Variants in COP1 observed in about 807,000 individuals in gnomAD.
COP1 encodes the protein E3 ubiquitin-protein ligase COP1.
Under a neutral mutation model 101.3 loss-of-function variants are expected in COP1, and 24 were observed. The observed-to-expected ratio is 0.24, with a 90% CI of 0.17 to 0.33. The LOEUF (loss-of-function observed/expected upper bound fraction) is 0.33. Ranked by LOEUF, COP1 falls within the 10% of genes least tolerant of loss-of-function variation. COP1 has a pLI of 1.00. For synonymous variants in COP1, 347 were observed against 341.9 expected (o/e 1.01, Z -0.17); for missense variants, 663 against 906.2 (o/e 0.73, Z 3.45).
intron 15 of COP1, among the ~76,000 whole-genome samples, chr1:176,001,255 A>C (rs765815659): frequency 9.2e-5 from 14 of 152,146 alleles, no homozygotes; most frequent in Non-Finnish European, 1.9e-4. Context: ...ATCATCAGAA[A>C]CATCTATTTC....
chr1:176,176,112 A>G, intron 2 of COP1, 105 bp from the exon 3 acceptor site: 2 of 606,154 alleles, frequency 3.3e-6, no homozygotes, highest in South Asian at 4.2e-5. Context: ...TTTTCAACAT[A>G]ACTAATCTAA....
At chr1:175,990,106 C>G (rs190202284) in intron 15 of COP1, among the ~76,000 whole-genome samples, 19 of 152,122 alleles carry the variant, frequency 1.2e-4, no homozygotes, top group Middle Eastern at 3.4e-3. Context: ...TCTCTATCAA[C>G]ACTGCTTTGG....
At chr1:176,132,391 G>A (rs1467895837) in intron 8 of COP1, among the ~76,000 whole-genome samples, 2 of 151,690 alleles carry the variant, frequency 1.3e-5, no homozygotes, top group Non-Finnish European at 2.9e-5. Flanking sequence ...TCCTAAGGTA[G>A]TGCAGTCATG....
At chr1:175,960,561 A>G (rs1450351341) in intron 18 of COP1, among the ~76,000 whole-genome samples, 2 of 152,194 alleles carry the variant, frequency 1.3e-5, no homozygotes, top group Non-Finnish European at 1.5e-5. Flanking sequence ...AGAGTTTAAG[A>G]AAGAGAAGCA....
intron 6 of COP1, among the ~76,000 whole-genome samples, chr1:176,137,437 T>C (rs533308983): frequency 2.6e-5 from 4 of 152,330 alleles, no homozygotes; most frequent in Admixed American, 6.5e-5. Flanking sequence ...AGAAAACTGC[T>C]TTCCAGAAAC....
At chr1:175,976,267 A>ATTATTTTT (rs1225101059) in intron 18 of COP1, among the ~76,000 whole-genome samples, 3 of 41,764 alleles carry the variant, frequency 7.2e-5, no homozygotes, top group Non-Finnish European at 1.8e-4. Context: ...TCAATTAGTC[A>ATTATTTTT]TTCTTTTTTT....
intron 18 of COP1, among the ~76,000 whole-genome samples, chr1:175,975,303 T>C (rs1654258198): frequency 6.6e-6 from 1 of 152,194 alleles, no homozygotes; most frequent in African/African-American, 2.4e-5. Context: ...ATTAGTTACA[T>C]TAGATGTGTG....
At chr1:176,002,836 T>G (rs557719499) in intron 15 of COP1, among the ~76,000 whole-genome samples, 2 of 151,334 alleles carry the variant, frequency 1.3e-5, no homozygotes, top group South Asian at 2.1e-4. Flanking sequence ...TGTGTCTTTA[T>G]AGCAGCATGA....
Position 175,957,543 on chromosome 1 carries a change from C to T in COP1, c.2134-10304G>A, listed in dbSNP as rs557354196. Among the ~76,000 whole-genome samples the T allele has an allele frequency of 7.2e-5, 11 of 152,264 alleles. No homozygotes were observed. The South Asian group carries it at 2.1e-3, about 29-fold the overall frequency. On this transcript the variant is annotated intron_variant, in intron 18 of 19. Coordinates refer to ENST00000367669, the MANE Select transcript of COP1 (RefSeq NM_022457.7). ...TTTGTGCAATGATGAAATCAAATCACCTAATGGCATTTCTCAAAACGTATC... is the reference window on the plus strand; with the variant it reads ...TTTGTGCAATGATGAAATCAAATCATCTAATGGCATTTCTCAAAACGTATC...
chr1:176,063,747 T>G (rs1290457771), intron 11 of COP1, among the ~76,000 whole-genome samples: 1 of 152,222 alleles, frequency 6.6e-6, no homozygotes, highest in East Asian at 1.9e-4. Flanking sequence ...TGGGGGGCTC[T>G]GTTTGATAAA....
intron 15 of COP1, among the ~76,000 whole-genome samples, chr1:176,010,298 TCA>T (rs1239501190): frequency 6.6e-6 from 1 of 152,192 alleles, no homozygotes; most frequent in Non-Finnish European, 1.5e-5. Flanking sequence ...TATCATTATA[TCA>T]CACTCAAGAA....
chr1:176,182,887 A>T lies in COP1; in HGVS notation c.467+1746T>A, dbSNP rs559919718. 2.5e-4 allele frequency among the ~76,000 whole-genome samples: 38 copies of T among 152,314 alleles called. No individual in the cohort carries two copies. The South Asian group carries it at 7.9e-3, about 32-fold the overall frequency. On this transcript the variant is annotated intron_variant, in intron 2 of 19. Coordinates refer to ENST00000367669, the MANE Select transcript of COP1 (RefSeq NM_022457.7). Reference sequence around the variant, plus strand: ...AGTATTCAAGAAAGTAAAATGACTTAAAAAAATAGTAAAAGGATTCTGAAA... The same window carrying T: ...AGTATTCAAGAAAGTAAAATGACTTTAAAAAATAGTAAAAGGATTCTGAAA...
At chr1:175,980,563 GA>G (rs1203377698) in intron 18 of COP1, among the ~76,000 whole-genome samples, 2 of 152,082 alleles carry the variant, frequency 1.3e-5, no homozygotes, top group Non-Finnish European at 2.9e-5. Context: ...TCAGAGAGGG[GA>G]AATTTGGAAA....
chr1:176,083,581 G>C (rs566355650), intron 10 of COP1, among the ~76,000 whole-genome samples: 2 of 152,242 alleles, frequency 1.3e-5, no homozygotes, highest in South Asian at 4.2e-4. Flanking sequence ...TTGTAAAAGT[G>C]TATTCAATGT....
intron 15 of COP1, among the ~76,000 whole-genome samples, chr1:175,994,806 A>G (rs1659679385): frequency 6.6e-6 from 1 of 152,202 alleles, no homozygotes; most frequent in Non-Finnish European, 1.5e-5. Context: ...GGAGACTTTA[A>G]CACGCCACTG....
Position 175,944,962 on chromosome 1 carries a change from G to A in COP1, c.*191C>T, listed in dbSNP as rs566797131. On this transcript the variant is annotated 3_prime_UTR_variant, in exon 20 of 20. Transcript: ENST00000367669. ...GAGTTACATTGATGGTGGAGAGTTG[G>A]CTGGGTATTCCCAATGTCCCAAAGG... The A allele has an allele frequency of 1.7e-4, 94 of 569,186 alleles. No individual in the cohort carries two copies. Among genetic ancestry groups the A allele is most frequent in the Non-Finnish European group, 2.2e-4 (71 of 323,506 alleles). The allele number at this position is 569,186 out of a possible 1,614,324, so 35.3% of individuals were successfully genotyped here. A position where few individuals can be genotyped will look rare whatever the true frequency, so the allele number is the denominator to read the frequency against.
intron 11 of COP1, among the ~76,000 whole-genome samples, chr1:176,071,031 TATTG>T (rs1383165984): frequency 6.6e-6 from 1 of 152,166 alleles, no homozygotes; most frequent in East Asian, 1.9e-4. Flanking sequence ...TTATTCTAGA[TATTG>T]ACTGACAGAG....
intron 5 of COP1, among the ~76,000 whole-genome samples, chr1:176,157,627 A>C (rs1432005835): frequency 6.6e-6 from 1 of 152,194 alleles, no homozygotes; most frequent in Non-Finnish European, 1.5e-5. Flanking sequence ...CATACCTTAA[A>C]AACAAGCTTC....
intron 18 of COP1, among the ~76,000 whole-genome samples, chr1:175,982,005 TAAAAA>T (rs772707650): frequency 6.6e-6 from 1 of 151,824 alleles, no homozygotes; most frequent in Non-Finnish European, 1.5e-5. Context: ...TGGGGTGTGT[TAAAAA>T]AAGATGAAAG....
Sources: gnomAD v4.1 joint callset for allele counts (sites outside exome capture counted in the v4.1 genomes callset) on GRCh38, gnomAD v4.1.1 for gene constraint, MANE v1.5 for transcripts, NCBI Gene and HGNC (gene_info 2026-07-23, HGNC 2026-07-21) for gene names.